Variants in TRPC3 observed in about 807,000 individuals in gnomAD.
TRPC3 encodes transient receptor potential cation channel subfamily C member 3.
A neutral mutation model predicts 90.9 loss-of-function variants in TRPC3; 54 were observed. The observed-to-expected ratio is 0.59, with a 90% CI of 0.48 to 0.75. The LOEUF is 0.75. Among genes scored for constraint, TRPC3 ranks in the 30% least tolerant of loss-of-function variants. The pLI, the probability that TRPC3 is intolerant of heterozygous loss-of-function variation, is 0.00. For missense variants in TRPC3, 918 were observed against 1,194.5 expected (o/e 0.77, Z 3.41); for synonymous variants, 424 against 450.9 (o/e 0.94, Z 0.75).
At chr4:121,919,678 A>C (rs918766068) in intron 3 of TRPC3, among the ~76,000 whole-genome samples, 1 of 152,180 alleles carries the variant, frequency 6.6e-6, no homozygotes, top group Non-Finnish European at 1.5e-5. Flanking sequence ...CAGAAAGTGG[A>C]TACACAATGG....
chr4:121,926,588 G>A (rs1269798377), intron 2 of TRPC3, among the ~76,000 whole-genome samples: 2 of 151,934 alleles, frequency 1.3e-5, no homozygotes, highest in Non-Finnish European at 2.9e-5. Context: ...TGTATTTTCA[G>A]TAGAGATGGG....
In TRPC3 at chr4:121,901,563, G is replaced by A. The variant is rs372155562; in HGVS notation, c.2463+1289C>T. Among the ~76,000 whole-genome samples, 29 of 152,338 alleles carry A rather than the reference G, an allele frequency of 1.9e-4. 1 individual carries two copies. In the East Asian group the frequency reaches 2.7e-3, roughly 14 times the overall value. ...ATAATGATAATACCTACCTCACAGCGTTGCATGAGGTTCAAATGTACAGGA... is the reference window on the plus strand; with the variant it reads ...ATAATGATAATACCTACCTCACAGCATTGCATGAGGTTCAAATGTACAGGA... On this transcript the variant is annotated intron_variant, in intron 9 of 11. Transcript: ENST00000379645.
At chr4:121,937,886 T>C (rs894166289) in intron 1 of TRPC3, among the ~76,000 whole-genome samples, 10 of 152,158 alleles carry the variant, frequency 6.6e-5, no homozygotes, top group Non-Finnish European at 1.5e-4. Flanking sequence ...AAATATCCTA[T>C]ATTCCATGTG....
Position 121,951,529 on chromosome 4 carries a change from G to A in TRPC3, c.152C>T (p.Ser51Leu), listed in dbSNP as rs922413316. The A allele has an allele frequency of 8.7e-5, 122 of 1,397,746 alleles. No individual in the cohort carries two copies. Among genetic ancestry groups the A allele is most frequent in the Middle Eastern group, 5.0e-4 (2 of 3,966 alleles). The allele number at this position is 1,397,746 out of a possible 1,614,324, so 86.6% of individuals were successfully genotyped here. ...RGVNGGLEPR[S>L]APSQREPHGY... Reference sequence around the variant, plus strand: ...GTGCGGCTCCCGCTGCGAGGGCGCCGAGCGCGGCTCCAGCCCCCCGTTGAC... The same window carrying A: ...GTGCGGCTCCCGCTGCGAGGGCGCCAAGCGCGGCTCCAGCCCCCCGTTGAC... Residue 51 changes from serine (S) to leucine (L), a missense_variant, in exon 1 of 12, where the codon TCG becomes TTG. Physicochemically the swap from Ser to Leu is moderately radical, Grantham distance 145 (BLOSUM62 -2). Coordinates refer to ENST00000379645, the MANE Select transcript of TRPC3 (RefSeq NM_001130698.2). The surrounding 1 kb of genome is among the most constrained non-coding windows in gnomAD (Gnocchi z 4.4).
chr4:121,883,337 A>G (rs1280966809), intron 10 of TRPC3, among the ~76,000 whole-genome samples: 1 of 152,170 alleles, frequency 6.6e-6, no homozygotes, highest in Non-Finnish European at 1.5e-5. Flanking sequence ...AGATACTATA[A>G]AGAAAGTGAA....
At chr4:121,893,881 A>T (rs1033877806) in intron 10 of TRPC3, among the ~76,000 whole-genome samples, 1 of 152,172 alleles carries the variant, frequency 6.6e-6, no homozygotes. Flanking sequence ...CATTCATGAT[A>T]AAGAAATGCA....
chr4:121,907,663 G>T, intron 6 of TRPC3, 96 bp from the exon 7 acceptor site: 2 of 1,353,202 alleles, frequency 1.5e-6, no homozygotes, highest in Non-Finnish European at 2.0e-6. Context: ...CTTGTAGGTA[G>T]GTGGTTACCA....
rs564385478 is a variant in TRPC3 at position 121,877,433 on chromosome 4, T to A, written c.*2303A>T. Among the ~76,000 whole-genome samples, 1 of 152,234 alleles carries A rather than the reference T, an allele frequency of 6.6e-6. No individual in the cohort carries two copies. The highest frequency in any genetic ancestry group is 1.9e-4 in the East Asian group (1 of 5,178). On this transcript the variant is annotated 3_prime_UTR_variant, in exon 12 of 12. Coordinates refer to ENST00000379645, the MANE Select transcript of TRPC3 (RefSeq NM_001130698.2). ...CATCTTGAGACAAGGGGCCAGCCCTTTGTGCCCCCACCCATCAGTCACTGG... is the reference window on the plus strand; with the variant it reads ...CATCTTGAGACAAGGGGCCAGCCCTATGTGCCCCCACCCATCAGTCACTGG...
intron 10 of TRPC3, among the ~76,000 whole-genome samples, chr4:121,890,811 G>T (rs1430999482): frequency 6.6e-6 from 1 of 152,000 alleles, no homozygotes; most frequent in Non-Finnish European, 1.5e-5. Context: ...CTAACACAAT[G>T]AAACCCCATC....
At chr4:121,909,832 C>T (rs529402393) in intron 6 of TRPC3, among the ~76,000 whole-genome samples, 1 of 152,152 alleles carries the variant, frequency 6.6e-6, no homozygotes, top group East Asian at 1.9e-4. Context: ...ACTATTTTTT[C>T]CCTAATTAAG....
Position 121,907,306 on chromosome 4 carries a change from G to A in TRPC3, c.2054C>T (p.Thr685Ile), listed in dbSNP as rs1404878170. The change falls in exon 7 of 12, where the codon ACC (threonine) becomes ATC (isoleucine). Residue 685 changes from threonine to isoleucine, a missense_variant. Around this residue, in one of 4 missense-constraint regions of TRPC3, gnomAD observed 147 missense variants for 263.5 expected, o/e 0.56. Transcript: ENST00000379645. ...TATAATAAGATATTTTACTTACGTG[G>A]TAAAAGCAGCATTAACTTTAGCCCC... Reference protein sequence around the residue: ...YLGAKVNAAFTTVEESFKTLF... With the variant: ...YLGAKVNAAFITVEESFKTLF... 2 of 1,605,876 alleles carry A rather than the reference G, an allele frequency of 1.2e-6. No homozygotes were observed. Among genetic ancestry groups the A allele is most frequent in the African/African-American group, 2.7e-5 (2 of 74,294 alleles).
At chr4:121,889,749 T>C (rs1728255204) in intron 10 of TRPC3, among the ~76,000 whole-genome samples, 1 of 152,142 alleles carries the variant, frequency 6.6e-6, no homozygotes, top group South Asian at 2.1e-4. Context: ...ATGAAATCAG[T>C]ATATTGAATA....
At chr4:121,910,089 C>G in intron 6 of TRPC3, 65 bp downstream of exon 6, 1 of 1,284,552 alleles carries the variant, frequency 7.8e-7, no homozygotes, top group Non-Finnish European at 1.1e-6. Context: ...ATTGGCATTT[C>G]CTTCCAAAAT....
intron 10 of TRPC3, among the ~76,000 whole-genome samples, chr4:121,897,453 C>CAAAAAAAAAAAAAAAAA (rs70950860): frequency 1.4e-4 from 6 of 43,434 alleles, no homozygotes; most frequent in Non-Finnish European, 2.0e-4. Flanking sequence ...ATCTCAACAG[C>CAAAAAAAAAAAAAAAAA]AAAAAAAAAA....
intron 10 of TRPC3, among the ~76,000 whole-genome samples, chr4:121,893,248 A>G (rs1262500298): frequency 6.6e-6 from 1 of 152,154 alleles, no homozygotes; most frequent in Non-Finnish European, 1.5e-5. Flanking sequence ...AAGAATGCAC[A>G]TGTATGTGTG....
chr4:121,949,536 G>T (rs6846974), intron 1 of TRPC3, among the ~76,000 whole-genome samples: 111,217 of 152,046 alleles, frequency 0.73, 40,902 homozygotes, highest in East Asian at 0.82. Flanking sequence ...CACTGTTTAT[G>T]AAACAGTGGC....
intron 8 of TRPC3, among the ~76,000 whole-genome samples, chr4:121,904,061 A>T (rs888717721): frequency 6.6e-6 from 1 of 152,140 alleles, no homozygotes; most frequent in African/African-American, 2.4e-5. Flanking sequence ...TCTAGCCACT[A>T]ATTTCAAAAC....
At chr4:121,936,148 G>A (rs1252318340) in intron 1 of TRPC3, among the ~76,000 whole-genome samples, 1 of 152,096 alleles carries the variant, frequency 6.6e-6, no homozygotes, top group African/African-American at 2.4e-5. Flanking sequence ...ATTCACAAAT[G>A]GAAGTGTCTT....
intron 1 of TRPC3, among the ~76,000 whole-genome samples, chr4:121,944,929 G>A (rs1730436002): frequency 6.6e-6 from 1 of 152,190 alleles, no homozygotes; most frequent in Admixed American, 6.5e-5. Flanking sequence ...CCAGAAAGCT[G>A]GGGATTTCAG....
Sources: allele counts gnomAD v4.1 joint callset (sites outside exome capture counted in the v4.1 genomes callset), GRCh38; gene constraint gnomAD v4.1.1; regional missense constraint gnomAD v4.1.1; non-coding constraint Gnocchi (gnomAD v3.1); transcripts MANE v1.5; gene names NCBI Gene and HGNC (gene_info 2026-07-23, HGNC 2026-07-21).